Variants in PLCE1 observed in about 807,000 individuals in gnomAD.
The protein encoded by PLCE1 is phospholipase C epsilon 1, also known as 1-phosphatidylinositol 4,5-bisphosphate phosphodiesterase epsilon-1.
In PLCE1, 119 loss-of-function variants were observed where a neutral mutation model predicts 242.8. That is an observed-to-expected ratio of 0.49 (90% CI 0.42 to 0.57). PLCE1 has a LOEUF of 0.57. PLCE1 is among the 20% of genes least tolerant of loss of function. The pLI, the probability that PLCE1 is intolerant of heterozygous loss-of-function variation, is 0.00. For missense variants in PLCE1, 2,441 were observed against 2,788.8 expected (o/e 0.88, Z 2.81); for synonymous variants, 945 against 1,017.4 (o/e 0.93, Z 1.35).
At chr10:94,204,811 T>C (rs1050225676) in intron 4 of PLCE1, among the ~76,000 whole-genome samples, 3 of 139,956 alleles carry the variant, frequency 2.1e-5, no homozygotes, top group Non-Finnish European at 3.1e-5. Context: ...AGCAAAATAA[T>C]GTGTGCTGTA....
At chr10:94,285,049 A>C in intron 22 of PLCE1, 84 bp downstream of exon 22, 1 of 793,230 alleles carries the variant, frequency 1.3e-6, no homozygotes, top group Non-Finnish European at 2.3e-6. Flanking sequence ...CATTGTGAAC[A>C]CTCTCAAAAT....
At chr10:94,271,637 TA>T in intron 18 of PLCE1, among the ~76,000 whole-genome samples, 1 of 152,032 alleles carries the variant, frequency 6.6e-6, no homozygotes, top group Non-Finnish European at 1.5e-5. Flanking sequence ...TATACCACAG[TA>T]CAAAGATCCA....
At chr10:94,325,550 A>G in intron 32 of PLCE1, 1 of 157,366 alleles carries the variant, frequency 6.4e-6, no homozygotes, top group Non-Finnish European at 1.4e-5. Context: ...AGCTGAGATC[A>G]CACCATTGCA....
At chr10:94,185,320 C>G (rs531407502) in intron 4 of PLCE1, among the ~76,000 whole-genome samples, 47 of 152,282 alleles carry the variant, frequency 3.1e-4, no homozygotes, top group Non-Finnish European at 4.7e-4. Flanking sequence ...TAGGGTGAAA[C>G]CCTGTCTCTA....
rs771149406 is a variant in PLCE1 at position 94,324,899 on chromosome 10, G to A, written c.6728G>A (p.Arg2243Gln). Residue 2243 changes from arginine to glutamine, a missense_variant, in exon 32 of 33, where the codon CGA becomes CAA. By Grantham distance (43) the Arg-to-Gln change is conservative. This residue lies in a region of PLCE1 where 310 missense variants were observed against 317.2 expected (regional missense o/e 0.98). Coordinates refer to ENST00000371380, the MANE Select transcript of PLCE1 (RefSeq NM_016341.4). ...GGTTCTTTGTTCCCACAGGCATCTC[G>A]AGAAGATAAAAAGAAAGGCATTTCT... ...LKLKEQVQAS[R>Q]EDKKKGISFA... 1.2e-6 allele frequency: 2 copies of A among 1,614,056 alleles called. No individual in the cohort carries two copies. The highest frequency in any genetic ancestry group is 1.1e-5 in the South Asian group (1 of 91,056).
intron 1 of PLCE1, among the ~76,000 whole-genome samples, chr10:94,021,838 A>G (rs1490755630): frequency 2.0e-5 from 3 of 152,150 alleles, no homozygotes; most frequent in East Asian, 1.9e-4. Context: ...CTAAATGCAG[A>G]AAAACATTGG....
At chr10:94,148,672 G>C (rs2136089488) in intron 3 of PLCE1, among the ~76,000 whole-genome samples, 1 of 152,196 alleles carries the variant, frequency 6.6e-6, no homozygotes, top group East Asian at 1.9e-4. Context: ...AAGAGAGAAA[G>C]GATGGAAGAA....
chr10:94,227,107 C>A, intron 4 of PLCE1, 199 bp from the exon 5 acceptor site: 4 of 550,896 alleles, frequency 7.3e-6, no homozygotes, highest in Non-Finnish European at 1.3e-5. Flanking sequence ...AAACTCCTGA[C>A]CTCAGGTGAT....
intron 2 of PLCE1, among the ~76,000 whole-genome samples, chr10:94,103,334 TTAC>T (rs1391412590): frequency 2.0e-5 from 3 of 152,192 alleles, no homozygotes; most frequent in African/African-American, 7.2e-5. Flanking sequence ...GTGCTGTTAA[TTAC>T]TGATGCTACC....
chr10:94,107,144 C>T (rs2045778982), intron 2 of PLCE1: 1 of 152,406 alleles, frequency 6.6e-6, no homozygotes, highest in Admixed American at 6.6e-5. Flanking sequence ...TGTTTGTAGC[C>T]TCAGTATTTG....
At chr10:94,186,808 A>G (rs955819983) in intron 4 of PLCE1, among the ~76,000 whole-genome samples, 1 of 152,236 alleles carries the variant, frequency 6.6e-6, no homozygotes, top group African/African-American at 2.4e-5. Flanking sequence ...AAAAAAACTT[A>G]ATTTGACAAT....
At chr10:94,215,538 T>TG (rs2049490883) in intron 4 of PLCE1, among the ~76,000 whole-genome samples, 1 of 152,204 alleles carries the variant, frequency 6.6e-6, no homozygotes, top group Admixed American at 6.5e-5. Flanking sequence ...ACATGACATC[T>TG]GGGCTACTTG....
intron 3 of PLCE1, among the ~76,000 whole-genome samples, chr10:94,153,488 A>G (rs1377384739): frequency 6.6e-6 from 1 of 152,152 alleles, no homozygotes; most frequent in Non-Finnish European, 1.5e-5. Context: ...AAGACTAAAA[A>G]CTTTCCGCCT....
At chr10:94,210,259 T>A (rs981625955) in intron 4 of PLCE1, among the ~76,000 whole-genome samples, 2 of 152,056 alleles carry the variant, frequency 1.3e-5, no homozygotes, top group African/African-American at 4.8e-5. Context: ...TGAAAGAGAT[T>A]TCTTGAGCCA....
chr10:94,164,792 G>A (rs1480865354), intron 3 of PLCE1, among the ~76,000 whole-genome samples: 1 of 152,142 alleles, frequency 6.6e-6, no homozygotes, highest in Non-Finnish European at 1.5e-5. Context: ...CTTTGATGAT[G>A]TGACGTACAG....
intron 11 of PLCE1, among the ~76,000 whole-genome samples, chr10:94,256,848 G>A (rs2051119387): frequency 1.3e-5 from 2 of 152,212 alleles, no homozygotes; most frequent in Non-Finnish European, 2.9e-5. Context: ...CAGCTTGAAT[G>A]CTATTAAGGG....
chr10:94,315,396 A>G (rs949736274), intron 28 of PLCE1: 2 of 455,956 alleles, frequency 4.4e-6, no homozygotes, highest in African/African-American at 4.0e-5. Context: ...TCTCACGGGA[A>G]GGCAACAAAG....
intron 24 of PLCE1, among the ~76,000 whole-genome samples, chr10:94,299,013 C>T (rs544131148): frequency 1.3e-5 from 2 of 152,302 alleles, no homozygotes; most frequent in Middle Eastern, 3.4e-3. Context: ...GCCCAGTTAA[C>T]CTGTCTCACT....
chr10:94,281,817 G>A (rs1049525743), intron 20 of PLCE1, among the ~76,000 whole-genome samples: 3 of 152,120 alleles, frequency 2.0e-5, no homozygotes, highest in African/African-American at 7.2e-5. Flanking sequence ...TAGTTATGCT[G>A]TGACTTGTTG....
Sources: gnomAD v4.1 joint callset for allele counts (sites outside exome capture counted in the v4.1 genomes callset) on GRCh38, gnomAD v4.1.1 for gene constraint, gnomAD v4.1.1 regional missense constraint, MANE v1.5 for transcripts, NCBI Gene and HGNC (gene_info 2026-07-23, HGNC 2026-07-21) for gene names.